The following MGAM2 variants were observed in gnomAD, a reference collection of about 807,000 sequenced individuals.
MGAM2 encodes the protein maltase-glucoamylase 2 (putative).
In MGAM2, 98 loss-of-function variants were observed where a neutral mutation model predicts 96.1. The observed-to-expected ratio is 1.02, with a 90% confidence interval of 0.87 to 1.21. The LOEUF (loss-of-function observed/expected upper bound fraction) is 1.21, where lower values mean the gene tolerates loss of function less well. Ranked by LOEUF, MGAM2 falls within the 50% of genes most tolerant of loss-of-function variation. The pLI, the probability that MGAM2 is intolerant of heterozygous loss-of-function variation, is 0.00. For synonymous variants in MGAM2, 749 were observed against 414.8 expected (o/e 1.81, Z -9.79); for missense variants, 2,055 against 1,182.4 (o/e 1.74, Z -10.82).
rs187988446 is a variant in MGAM2 at position 142,139,789 on chromosome 7, G to A, written c.1087-1013G>A. Among the ~76,000 whole-genome samples the A allele has an allele frequency of 3.7e-3, 561 of 151,904 alleles. 3 individuals carry two copies. The highest frequency in any genetic ancestry group is 6.6e-3 in the Non-Finnish European group (449 of 67,948). ...GAGTAGTGATGAGGGCAGGCAGGGGGATCAATTTTTCCTGTAAAAAAAAAA... is the reference window on the plus strand; with the variant it reads ...GAGTAGTGATGAGGGCAGGCAGGGGAATCAATTTTTCCTGTAAAAAAAAAA... On this transcript the variant is annotated intron_variant, in intron 10 of 47. Coordinates refer to ENST00000477922, the MANE Select transcript of MGAM2 (RefSeq NM_001293626.2).
chr7:142,139,911 G>T (rs918805760), intron 10 of MGAM2, among the ~76,000 whole-genome samples: 6 of 151,886 alleles, frequency 4.0e-5, no homozygotes, highest in Admixed American at 2.6e-4. Context: ...ATTCCAGGAA[G>T]AATTTTCTTC....
intron 3 of MGAM2, among the ~76,000 whole-genome samples, chr7:142,126,591 AT>A (rs1300611321): frequency 1.3e-5 from 2 of 151,884 alleles, no homozygotes; most frequent in African/African-American, 2.4e-5. Flanking sequence ...GATTATTTAA[AT>A]TTTACTGTGT....
intron 23 of MGAM2, among the ~76,000 whole-genome samples, chr7:142,163,103 G>A (rs959420395): frequency 4.6e-5 from 7 of 152,264 alleles, no homozygotes; most frequent in Admixed American, 2.0e-4. Flanking sequence ...TCCAAGTTGT[G>A]TGTGACAACA....
intron 15 of MGAM2, among the ~76,000 whole-genome samples, chr7:142,153,094 C>G (rs923062752): frequency 6.7e-6 from 1 of 149,340 alleles, no homozygotes; most frequent in South Asian, 2.1e-4. Context: ...CTCTTGGGTT[C>G]AAACGATTCT....
intron 17 of MGAM2, among the ~76,000 whole-genome samples, chr7:142,155,318 T>C (rs1366783636): frequency 6.6e-6 from 1 of 152,224 alleles, no homozygotes; most frequent in African/African-American, 2.4e-5. Context: ...CTACTTCTCA[T>C]GACTCATTCC....
chr7:142,163,172 T>C lies in MGAM2; in HGVS notation c.2484+1168T>C, dbSNP rs146723402. Among the ~76,000 whole-genome samples the C allele has an allele frequency of 3.5e-3, 539 of 152,340 alleles. 2 individuals are homozygous for C. The highest frequency in any genetic ancestry group is 0.027 in the South Asian group (129 of 4,826). On this transcript the variant is annotated intron_variant, in intron 23 of 47. Coordinates refer to ENST00000477922, the MANE Select transcript of MGAM2 (RefSeq NM_001293626.2). ...AGTTATGGAACCTTTTAAAAATCAC[T>C]CACTTGATTAATAGTATCTGGGATG...
chr7:142,173,415 T>C (rs1796263873), intron 31 of MGAM2, 61 bp downstream of exon 31: 1 of 692,254 alleles, frequency 1.4e-6, no homozygotes, highest in Non-Finnish European at 2.6e-6. Context: ...GCTAATTTTA[T>C]ATTAGAAGTG....
chr7:142,159,519 C>T (rs759194213), intron 20 of MGAM2, among the ~76,000 whole-genome samples, 176 bp downstream of exon 20: 6 of 152,130 alleles, frequency 3.9e-5, no homozygotes, highest in Non-Finnish European at 5.9e-5. Context: ...CAACAAAACA[C>T]CTTACACTGG....
At position 142,171,451 on chromosome 7, in the gene MGAM2, A is replaced by T. The variant is rs7779634; in HGVS notation, c.3351+11A>T. On this transcript the variant is annotated intron_variant, in intron 28 of 47. Coordinates refer to ENST00000477922, the MANE Select transcript of MGAM2 (RefSeq NM_001293626.2). Reference sequence around the variant, plus strand: ...GATGAGCCACCTGCGGTAGGGACAAAGGAATAAGTTTAGCAATCAGTTTCT... The same window carrying T: ...GATGAGCCACCTGCGGTAGGGACAATGGAATAAGTTTAGCAATCAGTTTCT... 0.37 allele frequency: 259,074 copies of T among 701,002 alleles called. 52,354 individuals carry two copies. Among genetic ancestry groups the T allele is most frequent in the East Asian group, 0.65 (24,338 of 37,178 alleles). The allele number at this position is 701,002 out of a possible 1,614,324, so 43.4% of individuals were successfully genotyped here.
chr7:142,209,134 A>T (rs1464918749), intron 46 of MGAM2, among the ~76,000 whole-genome samples: 1 of 152,068 alleles, frequency 6.6e-6, no homozygotes, highest in Non-Finnish European at 1.5e-5. Context: ...TCTTGGCTGT[A>T]TTCACATATC....
At chr7:142,163,211 G>A (rs1030395178) in intron 23 of MGAM2, among the ~76,000 whole-genome samples, 3 of 152,180 alleles carry the variant, frequency 2.0e-5, no homozygotes, top group Non-Finnish European at 4.4e-5. Context: ...CCAGTCATGA[G>A]CTGTTACAAA....
intron 32 of MGAM2, among the ~76,000 whole-genome samples, chr7:142,177,356 A>G (rs930845344): frequency 1.6e-4 from 25 of 152,108 alleles, no homozygotes; most frequent in Non-Finnish European, 2.8e-4. Flanking sequence ...CCGTGATTCA[A>G]TTACCTCCTA....
Position 142,137,486 on chromosome 7 carries a change from C to A in MGAM2, c.901C>A (p.Leu301Ile), listed in dbSNP as rs1795093933. The A allele has an allele frequency of 5.7e-6, 4 of 702,182 alleles. 1 individual carries two copies. The East Asian group carries it at 1.1e-4, about 19-fold the overall frequency. The allele number at this position is 702,182 out of a possible 1,614,324, so 43.5% of individuals were successfully genotyped here. The change falls in exon 9 of 48, where the codon CTT becomes ATT. Residue 301 changes from leucine to isoleucine, a missense_variant. Physicochemically the swap from Leu to Ile is conservative, Grantham distance 5. Transcript: ENST00000477922. ...AITYRTIGGI[L>I]DFYVFLGNTP... ...CACTTATCGCACGATTGGAGGCATT[C>A]TTGACTTTTACGTATTCCTAGGAAA...
chr7:142,167,039 C>G (rs1796047453), intron 25 of MGAM2, among the ~76,000 whole-genome samples: 1 of 152,184 alleles, frequency 6.6e-6, no homozygotes, highest in South Asian at 2.1e-4. Context: ...GGATCAAGGC[C>G]TATCCCAATG....
At chr7:142,213,996 G>T (rs1364410498) in intron 46 of MGAM2, among the ~76,000 whole-genome samples, 1 of 152,150 alleles carries the variant, frequency 6.6e-6, no homozygotes, top group Non-Finnish European at 1.5e-5. Context: ...TGCAAGGCTG[G>T]TTCAACATAT....
rs1797892011 is a variant in MGAM2 at position 142,220,519 on chromosome 7, C to T, written c.6008C>T (p.Pro2003Leu). The change falls in exon 48 of 48, where the codon CCT (proline) becomes CTT (leucine). Residue 2003 changes from proline (P) to leucine (L), a missense_variant. Physicochemically the swap from Pro to Leu is moderately conservative, Grantham distance 98. Transcript: ENST00000477922. ...ACTACTGTTCCTGATACAACTGCTC[C>T]TTTCCCTACAAGTACTACTAGTGCT... is the stretch of plus-strand genomic sequence containing the variant. ...TSTTVPDTTA[P>L]FPTSTTSAST... The T allele has an allele frequency of 1.4e-6, 1 of 702,488 alleles. No individual in the cohort carries two copies. Among genetic ancestry groups the T allele is most frequent in the Non-Finnish European group, 2.6e-6 (1 of 384,870 alleles). 43.5% of individuals were successfully genotyped at this position (702,488 alleles called of 1,614,324 possible).
At position 142,208,298 on chromosome 7, in the gene MGAM2, A is replaced by G. The variant is rs1326530521; in HGVS notation, c.5138-275A>G. The G allele has an allele frequency of 5.3e-6, 3 of 569,462 alleles. No homozygotes were observed. In the Admixed American group the frequency reaches 6.6e-5, roughly 12 times the overall value. The allele number at this position is 569,462 out of a possible 1,614,324, so 35.3% of individuals were successfully genotyped here. ...ACAGAATAACCAAACAGTAGTCTCC[A>G]CACTTCAGGTAATCTATCCTTTGTT... On this transcript the variant is annotated intron_variant, in intron 45 of 47. Transcript: ENST00000477922.
chr7:142,123,962 A>AC lies in MGAM2; in HGVS notation c.186+3582dup, dbSNP rs1285921721. ...TATGGTATCAGGTAAGAGTCCAGAA[A>AC]CTTTTTTTTTTTTTTTTTTTTTTTT... On this transcript the variant is annotated intron_variant, in intron 3 of 47. Transcript: ENST00000477922. Among the ~76,000 whole-genome samples, 231 of 127,552 alleles carry AC rather than the reference A, an allele frequency of 1.8e-3. 1 individual carries two copies. The highest frequency in any genetic ancestry group is 7.7e-3 in the African/African-American group (217 of 28,166). The allele number at this position is 127,552 out of a possible 152,430, so 83.7% of individuals were successfully genotyped here. A position where few individuals can be genotyped will look rare whatever the true frequency, so the allele number is the denominator to read the frequency against.
intron 33 of MGAM2, among the ~76,000 whole-genome samples, chr7:142,184,087 C>T (rs1233269137): frequency 2.0e-5 from 3 of 149,322 alleles, no homozygotes; most frequent in Non-Finnish European, 4.4e-5. Context: ...ATTCTCCTGC[C>T]TCAGCCTCCT....
Sources: allele counts gnomAD v4.1 joint callset (sites outside exome capture counted in the v4.1 genomes callset), GRCh38; gene constraint gnomAD v4.1.1; transcripts MANE v1.5; gene names NCBI Gene and HGNC (gene_info 2026-07-23, HGNC 2026-07-21).